The following KLRF2 variants were observed in gnomAD, a reference collection of about 807,000 sequenced individuals.
KLRF2 encodes the protein killer cell lectin like receptor F2, also known as killer cell lectin-like receptor subfamily F member 2.
In KLRF2, 28 loss-of-function variants were observed where a neutral mutation model predicts 25.3. That is an observed-to-expected ratio of 1.11 (90% CI 0.82 to 1.52). The LOEUF is 1.52. Ranked by LOEUF, KLRF2 falls within the 40% of genes most tolerant of loss-of-function variation. The pLI is 0.00. For synonymous variants in KLRF2, 73 were observed against 85.0 expected, an observed-to-expected ratio of 0.86 and a Z score of 0.78; for missense variants, 265 against 245.8, an observed-to-expected ratio of 1.08 and a Z score of -0.52.
chr12:9,883,114 T>C (rs1413011955), intron 1 of KLRF2, among the ~76,000 whole-genome samples: 1 of 152,252 alleles, frequency 6.6e-6, no homozygotes, highest in Non-Finnish European at 1.5e-5. Flanking sequence ...GTGCTTGCTA[T>C]ACATTTGCTT....
intron 2 of KLRF2, 38 bp downstream of exon 2, chr12:9,885,070 A>G (rs1259234767): frequency 1.3e-6 from 1 of 763,546 alleles, no homozygotes; most frequent in Non-Finnish European, 1.8e-6. Context: ...ACATTTTCAG[A>G]AGATAAATGT....
intron 1 of KLRF2, among the ~76,000 whole-genome samples, chr12:9,883,873 G>A (rs887076906): frequency 6.6e-6 from 1 of 152,090 alleles, no homozygotes; most frequent in South Asian, 2.1e-4. Context: ...TTGAGAAACA[G>A]CACTTTTATT....
rs115960135 is a variant in KLRF2 at position 9,889,921 on chromosome 12, C to T, written c.217+1141C>T. Among the ~76,000 whole-genome samples the T allele has an allele frequency of 6.0e-3, 907 of 151,764 alleles. 12 individuals carry two copies. The highest frequency in any genetic ancestry group is 0.021 in the African/African-American group (870 of 41,354). ...TGTAAATTGGGGGTGATAATGACAC[C>T]TACTCAATAGGATTTTATTTTTTAT... On this transcript the variant is annotated intron_variant, in intron 3 of 5. Coordinates refer to ENST00000535540, the MANE Select transcript of KLRF2 (RefSeq NM_001190765.1).
At chr12:9,883,997 T>C (rs112306022) in intron 1 of KLRF2, among the ~76,000 whole-genome samples, 94 of 152,194 alleles carry the variant, frequency 6.2e-4, no homozygotes, top group African/African-American at 2.2e-3. Flanking sequence ...TATCTCAAAT[T>C]ACTTTGCTTT....
rs1327011426 is a variant in KLRF2 at position 9,893,525 on chromosome 12, T to C, written c.463T>C (p.Phe155Leu). ...CCTATGGATGTGGATAGATGAACACTTTTTAGTTCCAGAATTGTGAGTAGT... is the reference window on the plus strand; with the variant it reads ...CCTATGGATGTGGATAGATGAACACCTTTTAGTTCCAGAATTGTGAGTAGT... ...GNLWMWIDEH[F>L]LVPELFSVIG... Residue 155 changes from phenylalanine (F) to leucine (L), a missense_variant, in exon 5 of 6, where the codon TTT becomes CTT. Coordinates refer to ENST00000535540, the MANE Select transcript of KLRF2 (RefSeq NM_001190765.1). The C allele has an allele frequency of 6.8e-7, 1 of 1,470,894 alleles. No homozygotes were observed. Among genetic ancestry groups the C allele is most frequent in the South Asian group, 1.3e-5 (1 of 79,132 alleles). The allele number at this position is 1,470,894 out of a possible 1,614,324, so 91.1% of individuals were successfully genotyped here. A position where few individuals can be genotyped will look rare whatever the true frequency, so the allele number is the denominator to read the frequency against.
intron 1 of KLRF2, among the ~76,000 whole-genome samples, chr12:9,882,640 G>C (rs961302267): frequency 3.3e-5 from 5 of 152,226 alleles, no homozygotes; most frequent in Admixed American, 2.6e-4. Context: ...AATTAGCTGG[G>C]TATGGTGGCG....
intron 1 of KLRF2, among the ~76,000 whole-genome samples, chr12:9,884,540 T>C (rs1002323706): frequency 4.0e-5 from 6 of 149,890 alleles, no homozygotes; most frequent in African/African-American, 1.5e-4. Flanking sequence ...ACATTTTATA[T>C]ATTATTCTTT....
intron 4 of KLRF2, 114 bp downstream of exon 4, chr12:9,893,282 A>G: frequency 1.0e-6 from 1 of 975,580 alleles, no homozygotes; most frequent in South Asian, 1.9e-5. Context: ...TGTGTTAGCC[A>G]CAATGTAGTC....
In KLRF2 at chr12:9,884,927, A is replaced by T; in HGVS notation, c.71-7A>T. On this transcript the variant is annotated splice_region_variant and splice_polypyrimidine_tract_variant and intron_variant, in intron 1 of 5. Coordinates refer to ENST00000535540, the MANE Select transcript of KLRF2 (RefSeq NM_001190765.1). ...AATCACAAGAATTCTAAAATTCAAC[A>T]TTTCAGATTTCTCCCTATATCCACA... 1 of 1,018,408 alleles carries T rather than the reference A, an allele frequency of 9.8e-7. No individual in the cohort carries two copies. The highest frequency in any genetic ancestry group is 1.3e-6 in the Non-Finnish European group (1 of 753,544). 63.1% of individuals were successfully genotyped at this position (1,018,408 alleles called of 1,614,324 possible).
intron 3 of KLRF2, among the ~76,000 whole-genome samples, chr12:9,889,715 C>T (rs1379764522): frequency 6.6e-6 from 1 of 150,902 alleles, no homozygotes; most frequent in Non-Finnish European, 1.5e-5. Context: ...TATGTAAATG[C>T]CATTGGTTGT....
chr12:9,893,210 G>T, intron 4 of KLRF2, 42 bp downstream of exon 4: 1 of 1,506,704 alleles, frequency 6.6e-7, no homozygotes, highest in East Asian at 2.5e-5. Context: ...AAGGAAAAAT[G>T]GCTTAGGTGC....
intron 3 of KLRF2, among the ~76,000 whole-genome samples, chr12:9,889,317 C>T (rs1014626646): frequency 4.6e-5 from 7 of 152,154 alleles, no homozygotes; most frequent in Non-Finnish European, 8.8e-5. Context: ...GGCCACCATA[C>T]CTAGGCAGTT....
chr12:9,895,789 C>T lies in KLRF2; in HGVS notation c.580C>T (p.Gln194Ter). The change falls in exon 6 of 6, where the codon CAG becomes TAG. Residue 194 changes from glutamine to a stop codon, truncating the protein, a stop_gained. Coordinates refer to ENST00000535540, the MANE Select transcript of KLRF2 (RefSeq NM_001190765.1). LOFTEE classifies it high-confidence loss of function. ...DCSSTFKGIC[Q>*]RDAILTHNGT... ...TAGCTCCACATTTAAGGGCATTTGC[C>T]AGAGAGATGCGATCTTGACGCACAA... 6.5e-7 allele frequency: 1 copy of T among 1,535,414 alleles called. No individual in the cohort carries two copies. The highest frequency in any genetic ancestry group is 8.7e-7 in the Non-Finnish European group (1 of 1,146,644).
At chr12:9,886,828 G>T (rs1241603677) in intron 2 of KLRF2, among the ~76,000 whole-genome samples, 3 of 151,516 alleles carry the variant, frequency 2.0e-5, no homozygotes, top group African/African-American at 7.3e-5. Flanking sequence ...ATAGAGCCAG[G>T]TAGAGCTCCT....
At chr12:9,886,121 A>C (rs1275201638) in intron 2 of KLRF2, among the ~76,000 whole-genome samples, 1 of 152,178 alleles carries the variant, frequency 6.6e-6, no homozygotes, top group Non-Finnish European at 1.5e-5. Flanking sequence ...AGAAGAAATC[A>C]ATGAAATTTG....
chr12:9,884,408 A>T (rs1320976006), intron 1 of KLRF2, among the ~76,000 whole-genome samples: 1 of 151,798 alleles, frequency 6.6e-6, no homozygotes, highest in Non-Finnish European at 1.5e-5. Flanking sequence ...AAATGTGGAT[A>T]TTTCCAGTAC....
intron 3 of KLRF2, among the ~76,000 whole-genome samples, chr12:9,889,660 GTA>G (rs34739233): frequency 0.15 from 21,136 of 139,536 alleles, 2,452 homozygotes; most frequent in African/African-American, 0.35. Flanking sequence ...GTGTGTGTGT[GTA>G]TATATATGTA....
chr12:9,881,924 A>C (rs1362325948), intron 1 of KLRF2, among the ~76,000 whole-genome samples: 1 of 152,150 alleles, frequency 6.6e-6, no homozygotes, highest in Non-Finnish European at 1.5e-5. Context: ...ATCACTTTCG[A>C]AGAAAAGGCT....
At chr12:9,885,269 A>C (rs897021713) in intron 2 of KLRF2, among the ~76,000 whole-genome samples, 7 of 151,770 alleles carry the variant, frequency 4.6e-5, no homozygotes, top group Non-Finnish European at 7.4e-5. Flanking sequence ...TAATTAAAAA[A>C]GTAATGTATC....
Sources: gnomAD v4.1 joint callset for allele counts (sites outside exome capture counted in the v4.1 genomes callset) on GRCh38, gnomAD v4.1.1 for gene constraint, MANE v1.5 for transcripts, NCBI Gene and HGNC (gene_info 2026-07-23, HGNC 2026-07-21) for gene names.